Variants in ARHGEF4 observed in about 807,000 individuals in gnomAD.
ARHGEF4 encodes the protein Rho guanine nucleotide exchange factor 4.
Under a neutral mutation model 162.0 loss-of-function variants are expected in ARHGEF4, and 119 were observed. The ratio of observed to expected loss-of-function variants is 0.73; its 90% CI spans 0.63 to 0.86. The LOEUF is 0.86. ARHGEF4 is among the 40% of genes least tolerant of loss of function. The pLI is 0.00. For synonymous variants in ARHGEF4, 1,014 were observed against 979.9 expected, an observed-to-expected ratio of 1.03 and a Z score of -0.65; for missense variants, 2,488 against 2,456.0, an observed-to-expected ratio of 1.01 and a Z score of -0.28.
intron 1 of ARHGEF4, among the ~76,000 whole-genome samples, chr2:130,871,601 A>T (rs1378335487): frequency 6.6e-6 from 1 of 150,938 alleles, no homozygotes; most frequent in East Asian, 1.9e-4. Context: ...ATGCATACAC[A>T]CACACACACA....
intron 1 of ARHGEF4, among the ~76,000 whole-genome samples, chr2:130,877,052 A>G (rs1191803856): frequency 1.3e-5 from 2 of 152,178 alleles, no homozygotes; most frequent in Non-Finnish European, 2.9e-5. Flanking sequence ...ATTATGAGGA[A>G]GCCCTCCATG....
rs1681376358 is a variant in ARHGEF4 at position 130,914,561 on chromosome 2, C to G, written c.615C>G (p.Leu205=). 1 of 1,405,272 alleles carries G rather than the reference C, an allele frequency of 7.1e-7. No homozygotes were observed. 87.1% of individuals were successfully genotyped at this position (1,405,272 alleles called of 1,614,324 possible). The part of the protein sequence containing the change: ...EPVQGVAVQD[L]RGLSSVSLQK... ...TACAGGGGGTGGCTGTTCAAGACCT[C>G]AGAGGGCTCTCCAGTGTTTCTCTTC... Residue 205 remains leucine (L), a synonymous_variant, in exon 2 of 14, where the codon CTC becomes CTG. Coordinates refer to ENST00000409359, the MANE Select transcript of ARHGEF4 (RefSeq NM_001367493.1).
At chr2:131,022,294 T>C (rs558782620) in intron 4 of ARHGEF4, among the ~76,000 whole-genome samples, 1 of 152,290 alleles carries the variant, frequency 6.6e-6, no homozygotes, top group Non-Finnish European at 1.5e-5. Context: ...CCTGGGCTTT[T>C]CTTTATTGGA....
chr2:130,998,361 C>T (rs1254619423), intron 4 of ARHGEF4, among the ~76,000 whole-genome samples: 1 of 152,130 alleles, frequency 6.6e-6, no homozygotes, highest in Non-Finnish European at 1.5e-5. Context: ...TTAGGGTTCA[C>T]TTTGTGTGTT....
intron 3 of ARHGEF4, among the ~76,000 whole-genome samples, chr2:130,940,527 C>T (rs1476308507): frequency 2.6e-5 from 4 of 151,576 alleles, no homozygotes; most frequent in African/African-American, 4.8e-5. Context: ...GATCTCCTGA[C>T]CTCGGATGGT....
Position 130,916,251 on chromosome 2 carries a change from G to A in ARHGEF4, c.2305G>A (p.Val769Ile). ...AGCAGCCCGGGGCCAGCGCCCCCGC[G>A]TCCCCGCCTTGGAGCCGCCCCAGCC... Reference protein sequence around the residue: ...AAAARGQRPRVPALEPPQPPR... With the variant: ...AAAARGQRPRIPALEPPQPPR... Residue 769 changes from valine to isoleucine, a missense_variant, in exon 2 of 14, where the codon GTC becomes ATC. This residue lies in a region of ARHGEF4 where 1,642 missense variants were observed against 1,481.5 expected (regional missense o/e 1.11). Coordinates refer to ENST00000409359, the MANE Select transcript of ARHGEF4 (RefSeq NM_001367493.1). The A allele has an allele frequency of 1.3e-6, 2 of 1,526,412 alleles. No individual in the cohort carries two copies. The highest frequency in any genetic ancestry group is 2.5e-5 in the South Asian group (2 of 80,736). 94.6% of individuals were successfully genotyped at this position (1,526,412 alleles called of 1,614,324 possible).
At chr2:130,961,272 C>T (rs1450462735) in intron 4 of ARHGEF4, among the ~76,000 whole-genome samples, 3 of 152,018 alleles carry the variant, frequency 2.0e-5, no homozygotes, top group African/African-American at 4.8e-5. Flanking sequence ...AGGGAGCAGA[C>T]GGGAGAAGCA....
chr2:130,944,721 A>C (rs1008854801), intron 3 of ARHGEF4, among the ~76,000 whole-genome samples: 1 of 152,108 alleles, frequency 6.6e-6, no homozygotes, highest in African/African-American at 2.4e-5. Context: ...TTTTTCTGAT[A>C]ATTCCAACAA....
intron 1 of ARHGEF4, among the ~76,000 whole-genome samples, chr2:130,842,478 G>A (rs1367746451): frequency 6.6e-6 from 1 of 152,206 alleles, no homozygotes; most frequent in Non-Finnish European, 1.5e-5. Flanking sequence ...AGGACAGAGT[G>A]TGTTATTACC....
At chr2:130,885,564 C>CTTTTTTTTTTTTT (rs961513941) in intron 1 of ARHGEF4, among the ~76,000 whole-genome samples, 53 of 100,330 alleles carry the variant, frequency 5.3e-4, no homozygotes, top group Non-Finnish European at 7.3e-4. Context: ...TTTTCTTATT[C>CTTTTTTTTTTTTT]TTTTTTTTTT....
intron 4 of ARHGEF4, among the ~76,000 whole-genome samples, chr2:130,982,761 T>G (rs960411142): frequency 2.6e-5 from 4 of 152,212 alleles, no homozygotes; most frequent in Admixed American, 2.6e-4. Context: ...TCTCTCTCCC[T>G]TACTTACTGA....
At chr2:130,936,409 T>C (rs1372144753) in intron 3 of ARHGEF4, among the ~76,000 whole-genome samples, 1 of 152,236 alleles carries the variant, frequency 6.6e-6, no homozygotes, top group African/African-American at 2.4e-5. Flanking sequence ...ATCTATAATG[T>C]ATTTCTTTGT....
rs1339656079 is a variant in ARHGEF4 at position 130,916,883 on chromosome 2, C to G, written c.2937C>G (p.Leu979=). The G allele has an allele frequency of 3.2e-6, 5 of 1,550,514 alleles. No homozygotes were observed. The highest frequency in any genetic ancestry group is 4.4e-6 in the Non-Finnish European group (5 of 1,146,986). The change falls in exon 2 of 14, where the codon CTC becomes CTG. Residue 979 remains leucine (L), a synonymous_variant. Coordinates refer to ENST00000409359, the MANE Select transcript of ARHGEF4 (RefSeq NM_001367493.1). ...GTCTGCCTCTAGGACCCGAAGTTCTCTCCCCAGCAGAGACCGACAGCCACT... is the reference window on the plus strand; with the variant it reads ...GTCTGCCTCTAGGACCCGAAGTTCTGTCCCCAGCAGAGACCGACAGCCACT... The part of the protein sequence containing the change: ...LVSLPLGPEV[L]SPAETDSHCE...
chr2:130,938,451 T>G (rs1683095852), intron 3 of ARHGEF4, among the ~76,000 whole-genome samples: 1 of 152,208 alleles, frequency 6.6e-6, no homozygotes, highest in Non-Finnish European at 1.5e-5. Context: ...GTGTGCATAT[T>G]TGCCATTGGT....
At chr2:130,949,483 AGCTGGGACTACAGGGGCCCGCCACCAC>A (rs1683821609) in intron 4 of ARHGEF4, among the ~76,000 whole-genome samples, 1 of 151,436 alleles carries the variant, frequency 6.6e-6, no homozygotes. Context: ...CCTCCCAAGT[AGCTGGGACTACAGGGGCCCGCCACCAC>A]GCCTGGCTAA....
chr2:131,012,249 G>T (rs943355805), intron 4 of ARHGEF4, among the ~76,000 whole-genome samples: 7 of 152,056 alleles, frequency 4.6e-5, no homozygotes, highest in Admixed American at 1.3e-4. Flanking sequence ...TTGAGAGACA[G>T]GGAGCAGTTT....
At chr2:131,022,578 C>T (rs1689201378) in intron 4 of ARHGEF4, among the ~76,000 whole-genome samples, 1 of 150,436 alleles carries the variant, frequency 6.6e-6, no homozygotes, top group African/African-American at 2.5e-5. Flanking sequence ...ATTCTTTTCA[C>T]AAATGATGCC....
intron 3 of ARHGEF4, among the ~76,000 whole-genome samples, chr2:130,938,315 G>A (rs535127209): frequency 6.6e-6 from 1 of 152,286 alleles, no homozygotes; most frequent in African/African-American, 2.4e-5. Context: ...CAGCTTCTCA[G>A]CATTCTTATC....
intron 6 of ARHGEF4, chr2:131,039,458 G>A: frequency 9.8e-7 from 1 of 1,023,532 alleles, no homozygotes; most frequent in Non-Finnish European, 1.2e-6. Context: ...GAGGGGACCT[G>A]GATTCCATCT....
Sources: allele counts gnomAD v4.1 joint callset (sites outside exome capture counted in the v4.1 genomes callset), GRCh38; gene constraint gnomAD v4.1.1; regional missense constraint gnomAD v4.1.1; transcripts MANE v1.5; gene names NCBI Gene and HGNC (gene_info 2026-07-23, HGNC 2026-07-21).